MAGI2: variants seen among roughly 807,000 people sequenced by gnomAD.
MAGI2 encodes the protein membrane associated guanylate kinase, WW and PDZ domain containing 2, also known as membrane-associated guanylate kinase, WW and PDZ domain-containing protein 2.
MAGI2 carries 35 observed loss-of-function variants against 133.3 expected under a neutral mutation model. The ratio of observed to expected loss-of-function variants is 0.26; its 90% CI spans 0.20 to 0.35. The LOEUF (loss-of-function observed/expected upper bound fraction) is 0.35, where lower values mean the gene tolerates loss of function less well. Among genes scored for constraint, MAGI2 ranks in the 10% least tolerant of loss-of-function variants. MAGI2 has a pLI of 1.00. For synonymous variants in MAGI2, 729 were observed against 710.6 expected, an observed-to-expected ratio of 1.03 and a Z score of -0.41; for missense variants, 1,636 against 1,863.4, an observed-to-expected ratio of 0.88 and a Z score of 2.25.
At chr7:79,138,347 C>G (rs901109752) in intron 1 of MAGI2, among the ~76,000 whole-genome samples, 3 of 152,038 alleles carry the variant, frequency 2.0e-5, no homozygotes, top group Admixed American at 6.5e-5. Flanking sequence ...CATTTGAGAC[C>G]CTCTTCTTTA....
chr7:78,248,013 GA>G (rs1791985288), intron 10 of MAGI2, among the ~76,000 whole-genome samples: 1 of 152,170 alleles, frequency 6.6e-6, no homozygotes, highest in African/African-American at 2.4e-5. Context: ...GGTCCTCACT[GA>G]GACAAAGTGC....
intron 1 of MAGI2, among the ~76,000 whole-genome samples, chr7:79,260,338 A>G (rs1362331854): frequency 6.6e-6 from 1 of 151,940 alleles, no homozygotes; most frequent in African/African-American, 2.4e-5. Context: ...CCTGGGTGAC[A>G]CAGTGAGACC....
intron 1 of MAGI2, among the ~76,000 whole-genome samples, chr7:79,376,412 A>G (rs1050129186): frequency 2.0e-5 from 3 of 151,932 alleles, no homozygotes; most frequent in African/African-American, 7.2e-5. Context: ...AAATGCCTAC[A>G]TGATAAGATG....
At chr7:78,620,558 A>G (rs956122051) in intron 3 of MAGI2, among the ~76,000 whole-genome samples, 1 of 151,962 alleles carries the variant, frequency 6.6e-6, no homozygotes, top group Admixed American at 6.6e-5. Context: ...CAGTCCTCTT[A>G]ATAAAATTGC....
chr7:78,218,055 G>C (rs569820569), intron 10 of MAGI2, among the ~76,000 whole-genome samples: 171 of 152,350 alleles, frequency 1.1e-3, no homozygotes, highest in African/African-American at 4.0e-3. Flanking sequence ...AATAGACACA[G>C]ATATATGGCA....
chr7:78,581,065 A>G (rs1802784849), intron 3 of MAGI2, among the ~76,000 whole-genome samples: 2 of 152,214 alleles, frequency 1.3e-5, no homozygotes. Flanking sequence ...TCTACTTTTC[A>G]ATAAAATTCT....
intron 2 of MAGI2, among the ~76,000 whole-genome samples, chr7:78,639,341 C>G (rs968170231): frequency 2.0e-5 from 3 of 150,782 alleles, no homozygotes; most frequent in African/African-American, 7.4e-5. Context: ...TCTGAGTGAT[C>G]AACTATTTTT....
chr7:79,097,455 C>T (rs1013288), intron 1 of MAGI2, among the ~76,000 whole-genome samples: 5 of 151,620 alleles, frequency 3.3e-5, no homozygotes, highest in Non-Finnish European at 4.4e-5. Context: ...AATGAGAAAG[C>T]TTCCTGCTGG....
At chr7:78,523,623 G>A in intron 3 of MAGI2, among the ~76,000 whole-genome samples, 1 of 152,324 alleles carries the variant, frequency 6.6e-6, no homozygotes, top group East Asian at 1.9e-4. Flanking sequence ...GGCAAAAGGG[G>A]AAGCAAGCCC....
chr7:78,162,542 AAC>A (rs1825166839), intron 15 of MAGI2, among the ~76,000 whole-genome samples: 2 of 151,622 alleles, frequency 1.3e-5, no homozygotes, highest in African/African-American at 4.8e-5. Context: ...AAAAACAAAA[AAC>A]AAAAACGAAA....
At chr7:78,636,390 T>A (rs1232531990) in intron 2 of MAGI2, among the ~76,000 whole-genome samples, 3 of 139,158 alleles carry the variant, frequency 2.2e-5, no homozygotes, top group Non-Finnish European at 4.6e-5. Flanking sequence ...CCTCACTGAA[T>A]ATCTTGGATA....
chr7:79,319,466 T>G (rs1371402771), intron 1 of MAGI2, among the ~76,000 whole-genome samples: 7 of 152,144 alleles, frequency 4.6e-5, no homozygotes, highest in African/African-American at 1.7e-4. Flanking sequence ...GTCATGTAAC[T>G]AAGTCTGGCC....
intron 1 of MAGI2, among the ~76,000 whole-genome samples, chr7:79,222,382 T>C (rs565122104): frequency 6.6e-6 from 1 of 152,152 alleles, no homozygotes; most frequent in Non-Finnish European, 1.5e-5. Context: ...TTTATACACT[T>C]TGAAGAAATG....
intron 1 of MAGI2, among the ~76,000 whole-genome samples, chr7:79,307,328 T>A (rs1258616221): frequency 1.3e-5 from 2 of 152,202 alleles, no homozygotes; most frequent in Non-Finnish European, 2.9e-5. Flanking sequence ...AGTCACAGAA[T>A]AATTGAACTT....
At chr7:78,312,771 C>G (rs2151099000) in intron 9 of MAGI2, among the ~76,000 whole-genome samples, 1 of 151,916 alleles carries the variant, frequency 6.6e-6, no homozygotes, top group East Asian at 1.9e-4. Flanking sequence ...GCCATTCCAT[C>G]CAGCAATCCC....
intron 6 of MAGI2, among the ~76,000 whole-genome samples, chr7:78,408,091 T>A (rs1797552057): frequency 6.6e-6 from 1 of 152,074 alleles, no homozygotes; most frequent in African/African-American, 2.4e-5. Context: ...ATGCTTATCA[T>A]CCAATTTCAT....
chr7:78,825,944 G>T (rs980077039), intron 2 of MAGI2, among the ~76,000 whole-genome samples: 2 of 152,096 alleles, frequency 1.3e-5, no homozygotes, highest in Non-Finnish European at 2.9e-5. Flanking sequence ...AAGTAATCAA[G>T]ATGCCTCTCA....
At chr7:78,497,673 T>A (rs533569848) in intron 5 of MAGI2, among the ~76,000 whole-genome samples, 1 of 152,298 alleles carries the variant, frequency 6.6e-6, no homozygotes, top group South Asian at 2.1e-4. Flanking sequence ...TAAAACTACA[T>A]ATCTAATGTT....
chr7:78,283,134 G>A (rs1351939522), intron 9 of MAGI2, among the ~76,000 whole-genome samples: 2 of 152,004 alleles, frequency 1.3e-5, no homozygotes, highest in African/African-American at 4.8e-5. Context: ...TGGGATTATG[G>A]ATTTCCTTTG....
Sources: gnomAD v4.1 joint callset for allele counts (sites outside exome capture counted in the v4.1 genomes callset) on GRCh38, gnomAD v4.1.1 for gene constraint, MANE v1.5 for transcripts, NCBI Gene and HGNC (gene_info 2026-07-23, HGNC 2026-07-21) for gene names.